ERC2: variants seen among roughly 807,000 people sequenced by gnomAD.
ERC2 encodes the protein ERC protein 2.
In ERC2, 42 loss-of-function variants were observed where a neutral mutation model predicts 114.8. The ratio of observed to expected loss-of-function variants is 0.37; its 90% CI spans 0.29 to 0.47. The LOEUF (loss-of-function observed/expected upper bound fraction) is 0.47. Ranked by LOEUF, ERC2 falls within the 20% of genes least tolerant of loss-of-function variation. The probability of loss-of-function intolerance (pLI) is 0.99; values close to 1 mark genes in which losing one functional copy is unlikely to be tolerated. For synonymous variants in ERC2, 454 were observed against 425.5 expected (o/e 1.07, Z -0.82); for missense variants, 939 against 1,150.7 (o/e 0.82, Z 2.66).
At chr3:55,588,863 A>C (rs1575676717) in intron 17 of ERC2, among the ~76,000 whole-genome samples, 1 of 152,048 alleles carries the variant, frequency 6.6e-6, no homozygotes, top group South Asian at 2.1e-4. Flanking sequence ...CACTGGCTAC[A>C]CCAGCCTGCC....
At chr3:56,224,838 G>A (rs895719974) in intron 3 of ERC2, among the ~76,000 whole-genome samples, 13 of 152,030 alleles carry the variant, frequency 8.6e-5, no homozygotes, top group Non-Finnish European at 8.8e-5. Context: ...CAGAGAAACT[G>A]AATACCCATT....
chr3:56,047,339 G>C (rs979830513), intron 7 of ERC2, among the ~76,000 whole-genome samples: 2 of 152,150 alleles, frequency 1.3e-5, no homozygotes, highest in Non-Finnish European at 2.9e-5. Context: ...ATATGTTTGG[G>C]GTAAGTGATG....
chr3:56,097,097 G>C (rs1301100511), intron 6 of ERC2, among the ~76,000 whole-genome samples: 1 of 152,152 alleles, frequency 6.6e-6, no homozygotes, highest in Admixed American at 6.5e-5. Context: ...GAGCATAAAT[G>C]ATTCTGAAAT....
intron 17 of ERC2, among the ~76,000 whole-genome samples, chr3:55,682,047 C>T (rs574104557): frequency 4.3e-4 from 65 of 152,344 alleles, no homozygotes; most frequent in African/African-American, 1.5e-3. Flanking sequence ...CTTTCCTTTA[C>T]CTACCTCTTC....
intron 4 of ERC2, among the ~76,000 whole-genome samples, chr3:56,160,030 G>A (rs2081967243): frequency 6.6e-6 from 1 of 152,154 alleles, no homozygotes; most frequent in Non-Finnish European, 1.5e-5. Context: ...GGGATTGCTG[G>A]GTCAAATAGT....
At chr3:55,648,094 T>C (rs146343706) in intron 17 of ERC2, among the ~76,000 whole-genome samples, 200 of 152,344 alleles carry the variant, frequency 1.3e-3, no homozygotes, top group Middle Eastern at 3.4e-3. Context: ...AAGCTGGGGA[T>C]AGGTTGGAAG....
chr3:56,083,718 G>C (rs1367549320), intron 6 of ERC2, among the ~76,000 whole-genome samples: 1 of 152,078 alleles, frequency 6.6e-6, no homozygotes, highest in Admixed American at 6.6e-5. Flanking sequence ...GGTTGGATAA[G>C]GTTCCCATGG....
chr3:56,119,013 G>C (rs1359313620), intron 6 of ERC2, among the ~76,000 whole-genome samples: 1 of 152,146 alleles, frequency 6.6e-6, no homozygotes, highest in Non-Finnish European at 1.5e-5. Context: ...GACCTTGCAG[G>C]ATATCCAGTC....
chr3:56,389,704 A>T (rs577011253), intron 2 of ERC2, among the ~76,000 whole-genome samples: 1 of 152,304 alleles, frequency 6.6e-6, no homozygotes, highest in Admixed American at 6.5e-5. Flanking sequence ...GTCTGGTCCC[A>T]TTATCTCAAC....
At chr3:56,260,954 T>C (rs576549345) in intron 3 of ERC2, among the ~76,000 whole-genome samples, 1 of 152,346 alleles carries the variant, frequency 6.6e-6, no homozygotes, top group South Asian at 2.1e-4. Context: ...GTCCACTCTA[T>C]TGGTATTCTC....
intron 14 of ERC2, among the ~76,000 whole-genome samples, chr3:55,875,690 T>TCTCA (rs1426630545): frequency 1.4e-5 from 2 of 144,638 alleles, no homozygotes; most frequent in Non-Finnish European, 3.0e-5. Flanking sequence ...CTAAACTCAT[T>TCTCA]CACACACACA....
chr3:56,285,030 CAT>C (rs762427051), intron 3 of ERC2, among the ~76,000 whole-genome samples: 4,631 of 108,280 alleles, frequency 0.043, 58 homozygotes, highest in Middle Eastern at 0.086. Flanking sequence ...CACACACACA[CAT>C]ACACACACAC....
At chr3:56,037,954 G>A (rs1269768483) in intron 7 of ERC2, among the ~76,000 whole-genome samples, 1 of 151,886 alleles carries the variant, frequency 6.6e-6, no homozygotes, top group East Asian at 1.9e-4. Flanking sequence ...AGCTCAAGAT[G>A]GATTAAAGAC....
chr3:56,422,118 G>A (rs1473440063), intron 2 of ERC2, among the ~76,000 whole-genome samples: 8 of 152,142 alleles, frequency 5.3e-5, no homozygotes, highest in South Asian at 2.1e-4. Flanking sequence ...AAGCTGAGAG[G>A]TGCCTGTTGA....
intron 2 of ERC2, among the ~76,000 whole-genome samples, chr3:56,346,412 A>T (rs1472065315): frequency 6.6e-6 from 1 of 152,196 alleles, no homozygotes; most frequent in African/African-American, 2.4e-5. Context: ...AAACTTAAAC[A>T]TAAGACCTTG....
At chr3:55,897,158 T>C (rs2063880984) in intron 13 of ERC2, among the ~76,000 whole-genome samples, 1 of 152,204 alleles carries the variant, frequency 6.6e-6, no homozygotes, top group South Asian at 2.1e-4. Context: ...AACTTACACA[T>C]ACATTTGTGT....
At chr3:55,980,679 T>C (rs1178139007) in intron 12 of ERC2, among the ~76,000 whole-genome samples, 2 of 152,158 alleles carry the variant, frequency 1.3e-5, no homozygotes, top group African/African-American at 4.8e-5. Flanking sequence ...TTTGCTGATA[T>C]TCATCCATAT....
intron 6 of ERC2, among the ~76,000 whole-genome samples, chr3:56,116,528 A>G (rs1473635599): frequency 6.6e-6 from 1 of 152,198 alleles, no homozygotes; most frequent in East Asian, 1.9e-4. Context: ...TTGCAGTCAC[A>G]TGTTCCAGAA....
chr3:56,017,514 G>A (rs967886459), intron 8 of ERC2, among the ~76,000 whole-genome samples: 14 of 152,130 alleles, frequency 9.2e-5, no homozygotes, highest in African/African-American at 3.1e-4. Flanking sequence ...ACAAGGGCCT[G>A]TGAAATCTGC....
Sources: gnomAD v4.1 joint callset for allele counts (sites outside exome capture counted in the v4.1 genomes callset) on GRCh38, gnomAD v4.1.1 for gene constraint, MANE v1.5 for transcripts, NCBI Gene and HGNC (gene_info 2026-07-23, HGNC 2026-07-21) for gene names.